Variants in ADGRB1 observed in about 807,000 individuals in gnomAD.
ADGRB1 encodes brain-specific angiogenesis inhibitor 1.
A neutral mutation model predicts 175.7 loss-of-function variants in ADGRB1; 36 were observed. The ratio of observed to expected loss-of-function variants is 0.20; its 90% CI spans 0.16 to 0.27. The LOEUF is 0.27. Ranked by LOEUF, ADGRB1 falls within the 10% of genes least tolerant of loss-of-function variation. The probability of loss-of-function intolerance (pLI) is 1.00; values close to 1 mark genes in which losing one functional copy is unlikely to be tolerated. For missense variants in ADGRB1, 1,731 were observed against 2,255.3 expected (o/e 0.77, Z 4.71); for synonymous variants, 1,054 against 979.4 (o/e 1.08, Z -1.42).
chr8:142,543,790 T>TCATCCATCCATC lies in ADGRB1; in HGVS notation c.4557+98_4557+109dup, dbSNP rs374003039. On this transcript the variant is annotated intron_variant, in intron 30 of 30. Transcript: ENST00000517894. The surrounding 1 kb of genome is among the most constrained non-coding windows in gnomAD (Gnocchi z 4.4). The stretch of plus-strand genomic sequence containing the variant: ...CCCTTCTTCCCTGGATTTGTGCACT[T>TCATCCATCCATC]CATCCATCCATCCATCCATCCATCC... The TCATCCATCCATC allele has an allele frequency of 8.0e-7, 1 of 1,248,318 alleles. No individual in the cohort carries two copies. The highest frequency in any genetic ancestry group is 1.1e-6 in the Non-Finnish European group (1 of 875,168). The allele number at this position is 1,248,318 out of a possible 1,614,324, so 77.3% of individuals were successfully genotyped here.
intron 7 of ADGRB1, among the ~76,000 whole-genome samples, 154 bp downstream of exon 7, chr8:142,478,514 G>T (rs1477263419): frequency 6.6e-6 from 1 of 151,068 alleles, no homozygotes; most frequent in Non-Finnish European, 1.5e-5. Context: ...GTGGCTGTGG[G>T]GGAAACGGAG....
At chr8:142,539,331 C>T (rs1260096425) in intron 26 of ADGRB1, 43 bp from the exon 27 acceptor site, 10 of 1,556,694 alleles carry the variant, frequency 6.4e-6, no homozygotes, top group African/African-American at 1.4e-5. Context: ...CACACCCCCG[C>T]TCCCAGAGGC....
rs775250568 is a variant in ADGRB1, at chr8:142,520,948, A to G, written c.3024+23A>G. On this transcript the variant is annotated intron_variant, in intron 20 of 30. Transcript: ENST00000517894. ...AAGGTAGGCAGCCTTGCGTCCTGCCATGCACTTCCCAACATCCTCGGGTGG... is the reference window on the plus strand; with the variant it reads ...AAGGTAGGCAGCCTTGCGTCCTGCCGTGCACTTCCCAACATCCTCGGGTGG... 4.4e-6 allele frequency: 7 copies of G among 1,592,266 alleles called. No individual in the cohort carries two copies. The South Asian group carries it at 4.4e-5, about 10-fold the overall frequency.
chr8:142,536,534 G>A (rs1263478155), intron 25 of ADGRB1, among the ~76,000 whole-genome samples: 11 of 152,118 alleles, frequency 7.2e-5, no homozygotes, highest in Admixed American at 6.5e-4. Context: ...CTGGGGAGGG[G>A]CCAGGCTCAG....
chr8:142,451,110 C>T (rs1449980063), intron 1 of ADGRB1, among the ~76,000 whole-genome samples: 1 of 152,134 alleles, frequency 6.6e-6, no homozygotes, highest in Non-Finnish European at 1.5e-5. Context: ...TCCCTAGGTC[C>T]CCGCGGCCCC....
At chr8:142,470,055 GC>G (rs995518993) in intron 2 of ADGRB1, among the ~76,000 whole-genome samples, 2 of 152,134 alleles carry the variant, frequency 1.3e-5, no homozygotes, top group African/African-American at 2.4e-5. Flanking sequence ...TTTCAGCCCT[GC>G]CCCCCGCACG....
chr8:142,454,005 G>A (rs546218854), intron 1 of ADGRB1, among the ~76,000 whole-genome samples: 3 of 152,304 alleles, frequency 2.0e-5, no homozygotes, highest in Admixed American at 6.5e-5. Context: ...AGAGGGGTCC[G>A]GACCAGACCT....
chr8:142,497,131 G>A (rs1842253638), intron 17 of ADGRB1, among the ~76,000 whole-genome samples: 1 of 152,222 alleles, frequency 6.6e-6, no homozygotes, highest in African/African-American at 2.4e-5. Context: ...TACAGCTGAG[G>A]AGACTGAGGC....
At chr8:142,539,773 T>G in intron 27 of ADGRB1, 5 of 382,692 alleles carry the variant, frequency 1.3e-5, no homozygotes, top group Non-Finnish European at 1.5e-5. Flanking sequence ...AGCCTCACCC[T>G]AGTGCCGCTC....
Position 142,543,024 on chromosome 8 carries a change from G to A in ADGRB1, c.4413+377G>A, listed in dbSNP as rs1298202630. On this transcript the variant is annotated intron_variant, in intron 28 of 30. Coordinates refer to ENST00000517894, the MANE Select transcript of ADGRB1 (RefSeq NM_001702.3). The surrounding 1 kb of genome is among the most constrained non-coding windows in gnomAD (Gnocchi z 4.4). ...AGTCAGCCTGTAGGATGTTGTTTTT[G>A]GGGGAGCCCGTCCCCACAGGATATG... Among the ~76,000 whole-genome samples, 4 of 152,150 alleles carry A rather than the reference G, an allele frequency of 2.6e-5. No individual in the cohort carries two copies. Among genetic ancestry groups the A allele is most frequent in the Admixed American group, 6.5e-5 (1 of 15,284 alleles).
chr8:142,544,860 T>G lies in ADGRB1; in HGVS notation c.*443T>G. 1 of 153,762 alleles carries G rather than the reference T, an allele frequency of 6.5e-6. No individual in the cohort carries two copies. The highest frequency in any genetic ancestry group is 1.5e-5 in the Non-Finnish European group (1 of 68,964). 9.5% of individuals were successfully genotyped at this position (153,762 alleles called of 1,614,324 possible). A position where few individuals can be genotyped will look rare whatever the true frequency, so the allele number is the denominator to read the frequency against. ...CAGCTCCCCACACCTTCCAGGGCCC[T>G]AGGCCCCTCCTAGACCCAGGTGGAG... On this transcript the variant is annotated 3_prime_UTR_variant, in exon 31 of 31. Transcript: ENST00000517894.
At chr8:142,518,032 TG>T in intron 18 of ADGRB1, 105 bp from the exon 19 acceptor site, 1 of 1,058,346 alleles carries the variant, frequency 9.4e-7, no homozygotes, top group Non-Finnish European at 1.4e-6. Flanking sequence ...GGCCAAACGC[TG>T]GGGGTGTGAC....
intron 1 of ADGRB1, among the ~76,000 whole-genome samples, chr8:142,454,151 C>T (rs1219342610): frequency 6.6e-6 from 1 of 152,112 alleles, no homozygotes. Context: ...GGTCATAGGG[C>T]GCGTCAGGAG....
At chr8:142,520,538 T>C (rs1312696866) in intron 19 of ADGRB1, among the ~76,000 whole-genome samples, 1 of 116,298 alleles carries the variant, frequency 8.6e-6, no homozygotes, top group East Asian at 3.0e-4. Flanking sequence ...GTGGTAGTGA[T>C]TGTGTGATGA....
rs572176861 is a variant in ADGRB1 at position 142,536,873 on chromosome 8, A to C, written c.3571-114A>C. On this transcript the variant is annotated intron_variant, in intron 25 of 30. Transcript: ENST00000517894. ...CCTGTGGGGAGGCCTCCTGCTGACC[A>C]GCCCTGCCCTTCCCCGAGACGCCCG... The C allele has an allele frequency of 3.8e-4, 308 of 820,638 alleles. 4 individuals are homozygous for C. The South Asian group carries it at 5.8e-3, about 15-fold the overall frequency. The allele number at this position is 820,638 out of a possible 1,614,324, so 50.8% of individuals were successfully genotyped here. A position where few individuals can be genotyped will look rare whatever the true frequency, so the allele number is the denominator to read the frequency against.
chr8:142,543,823 C>G lies in ADGRB1; in HGVS notation c.4557+115C>G. 1.0e-6 allele frequency: 1 copy of G among 967,446 alleles called. No homozygotes were observed. The highest frequency in any genetic ancestry group is 1.6e-6 in the Non-Finnish European group (1 of 638,228). 59.9% of individuals were successfully genotyped at this position (967,446 alleles called of 1,614,324 possible). A position where few individuals can be genotyped will look rare whatever the true frequency, so the allele number is the denominator to read the frequency against. ...CCATCCATCCATCCATCCATTCGTT[C>G]ATTCATTCATTCATTCGCCCATCCC... is the stretch of plus-strand genomic sequence containing the variant. On this transcript the variant is annotated intron_variant, in intron 30 of 30. Transcript: ENST00000517894. This position sits in a 1 kb window ranked among gnomAD's most constrained non-coding sequence, Gnocchi z 4.4.
rs2131789528 is a variant in ADGRB1 at position 142,476,595 on chromosome 8, C to T, written c.957C>T (p.Arg319=). ...AAGCCCGTCCTGCAGCCGCTGGGCG[C>T]ACCAGCTCCCGGAGCCAGTCCCTGC... ...CNREACGPAG[R]TSSRSQSLRS... Residue 319 remains arginine (R), a synonymous_variant, in exon 4 of 31, where the codon CGC becomes CGT. Coordinates refer to ENST00000517894, the MANE Select transcript of ADGRB1 (RefSeq NM_001702.3). The T allele has an allele frequency of 6.5e-7, 1 of 1,548,694 alleles. No homozygotes were observed. The highest frequency in any genetic ancestry group is 2.4e-5 in the East Asian group (1 of 40,912).
At chr8:142,529,089 C>T (rs1377166719) in intron 24 of ADGRB1, among the ~76,000 whole-genome samples, 1 of 152,266 alleles carries the variant, frequency 6.6e-6, no homozygotes, top group Admixed American at 6.5e-5. Context: ...ACCCATGACA[C>T]CCCCGCAGTT....
chr8:142,500,729 AGGGAAGGACT>A lies in ADGRB1; in HGVS notation c.2675+9915_2675+9924del, dbSNP rs201184891. On this transcript the variant is annotated intron_variant, in intron 17 of 30. Transcript: ENST00000517894. ...GGAAGGCAGGATATGAGGTAGACAA[AGGGAAGGACT>A]TCCACGTGAGCAAGGAGGGCAGAGT... Among the ~76,000 whole-genome samples the A allele has an allele frequency of 3.4e-3, 514 of 152,190 alleles. 5 individuals are homozygous for A. The highest frequency in any genetic ancestry group is 0.012 in the African/African-American group (495 of 41,530).
Sources: gnomAD v4.1 joint callset for allele counts (sites outside exome capture counted in the v4.1 genomes callset) on GRCh38, gnomAD v4.1.1 for gene constraint, Gnocchi (gnomAD v3.1) non-coding constraint, MANE v1.5 for transcripts, NCBI Gene and HGNC (gene_info 2026-07-23, HGNC 2026-07-21) for gene names.